FRMPD3: variants seen among roughly 807,000 people sequenced by gnomAD.
FRMPD3 encodes FERM and PDZ domain-containing protein 3.
Under a neutral mutation model 97.9 loss-of-function variants are expected in FRMPD3, and 42 were observed. That is an observed-to-expected ratio of 0.43 (90% CI 0.34 to 0.55). The LOEUF (loss-of-function observed/expected upper bound fraction) is 0.55, where lower values mean the gene tolerates loss of function less well. Ranked by LOEUF, FRMPD3 falls within the 20% of genes least tolerant of loss-of-function variation. The pLI is 0.03. For synonymous variants in FRMPD3, 577 were observed against 581.1 expected (o/e 0.99, Z 0.10); for missense variants, 1,303 against 1,457.7 (o/e 0.89, Z 1.73).
At chrX:107,583,909 C>A (rs1442236802) in intron 13 of FRMPD3, among the ~76,000 whole-genome samples, 2 of 100,500 alleles carry the variant, frequency 2.0e-5, no homozygotes, top group Non-Finnish European at 4.0e-5. Context: ...CACTCTGTTG[C>A]CCAGGCTGGA....
At chrX:107,564,699 C>G (rs1266484135) in intron 11 of FRMPD3, among the ~76,000 whole-genome samples, 188 bp from the exon 12 acceptor site, 1 of 112,332 alleles carries the variant, frequency 8.9e-6, no homozygotes, top group Non-Finnish European at 1.9e-5. Flanking sequence ...GGGGCTCTAT[C>G]CCAGGAACCA....
At chrX:107,533,115 G>A (rs1923040996) in intron 3 of FRMPD3, among the ~76,000 whole-genome samples, 1 of 111,508 alleles carries the variant, frequency 9.0e-6, no homozygotes, top group African/African-American at 3.3e-5. Flanking sequence ...CATTGTACGT[G>A]GTTCCCAGGA....
Position 107,598,151 on chromosome X carries a change from C to T in FRMPD3, c.2263+9C>T, listed in dbSNP as rs186400490. ...ACCCCCACAGACTGCAGGTAATGACCGATTCCTTCTCCCTCTTTCCACCCC... is the reference window on the plus strand; with the variant it reads ...ACCCCCACAGACTGCAGGTAATGACTGATTCCTTCTCCCTCTTTCCACCCC... On this transcript the variant is annotated intron_variant, in intron 14 of 14. Coordinates refer to ENST00000683843, the MANE Select transcript of FRMPD3 (RefSeq NM_001388459.1). 4.1e-3 allele frequency: 4,824 copies of T among 1,177,237 alleles called. 10 individuals carry two copies. The highest frequency in any genetic ancestry group is 5.0e-3 in the Non-Finnish European group (4,352 of 871,062).
chrX:107,507,518 G>A (rs1346359356), intron 1 of FRMPD3, among the ~76,000 whole-genome samples: 1 of 111,362 alleles, frequency 9.0e-6, no homozygotes, highest in Non-Finnish European at 1.9e-5. Context: ...GGGACTTCTA[G>A]CTGCCTCTCC....
intron 1 of FRMPD3, among the ~76,000 whole-genome samples, chrX:107,475,746 A>C (rs1286192099): frequency 1.8e-5 from 2 of 112,457 alleles, no homozygotes; most frequent in Non-Finnish European, 3.8e-5. Context: ...TAGCAGTTAG[A>C]ACACCGAATT....
intron 1 of FRMPD3, among the ~76,000 whole-genome samples, chrX:107,508,793 G>A (rs2147533319): frequency 8.9e-6 from 1 of 111,823 alleles, no homozygotes; most frequent in East Asian, 2.8e-4. Flanking sequence ...TGTTCTGCAT[G>A]GATTTGGGTT....
intron 1 of FRMPD3, among the ~76,000 whole-genome samples, chrX:107,484,845 C>T (rs1055286217): frequency 8.0e-5 from 9 of 112,218 alleles, no homozygotes; most frequent in African/African-American, 2.3e-4. Flanking sequence ...CAGCAATAGT[C>T]TCTGCTGCCT....
Position 107,604,157 on chromosome X carries a change from G to T in FRMPD3, c.*784G>T, listed in dbSNP as rs1461946950. Reference sequence around the variant, plus strand: ...CTGGGGAGACCCAGTGCAGGCCTAGGAGCCCGCCTAGCCCGGCCCAGCCCA... The same window carrying T: ...CTGGGGAGACCCAGTGCAGGCCTAGTAGCCCGCCTAGCCCGGCCCAGCCCA... On this transcript the variant is annotated 3_prime_UTR_variant, in exon 15 of 15. Coordinates refer to ENST00000683843, the MANE Select transcript of FRMPD3 (RefSeq NM_001388459.1). 1 of 107,551 alleles carries T rather than the reference G, an allele frequency of 9.3e-6. No homozygotes were observed. The highest frequency in any genetic ancestry group is 3.4e-5 in the African/African-American group (1 of 29,438). 8.9% of individuals were successfully genotyped at this position (107,551 alleles called of 1,213,427 possible).
At chrX:107,584,453 TC>T (rs1195548458) in intron 13 of FRMPD3, among the ~76,000 whole-genome samples, 1 of 112,088 alleles carries the variant, frequency 8.9e-6, no homozygotes, top group Non-Finnish European at 1.9e-5. Flanking sequence ...TTTAATTAGA[TC>T]CCATTTGTCA....
In FRMPD3 at chrX:107,564,907, C is replaced by A; in HGVS notation, c.1137C>A (p.Thr379=). 1 of 1,210,776 alleles carries A rather than the reference C, an allele frequency of 8.3e-7. No individual in the cohort carries two copies. The highest frequency in any genetic ancestry group is 1.1e-6 in the Non-Finnish European group (1 of 895,276). Residue 379 remains threonine, a synonymous_variant, in exon 12 of 15, where the codon ACC becomes ACA. Coordinates refer to ENST00000683843, the MANE Select transcript of FRMPD3 (RefSeq NM_001388459.1). ...TVGLDEKQSA[T]TLLVGPRHGI... ...ACCAGGATGAGAAGCAGTCGGCCAC[C>A]ACGCTCCTGGTGGGACCCCGTCATG...
chrX:107,603,602 C>A lies in FRMPD3; in HGVS notation c.*229C>A. 3.6e-6 allele frequency: 2 copies of A among 553,956 alleles called. No homozygotes were observed. The highest frequency in any genetic ancestry group is 5.3e-6 in the Non-Finnish European group (2 of 375,789). 45.7% of individuals were successfully genotyped at this position (553,956 alleles called of 1,213,427 possible). A position where few individuals can be genotyped will look rare whatever the true frequency, so the allele number is the denominator to read the frequency against. Reference sequence around the variant, plus strand: ...CCCCTTCCCTGGCCTCTGGGCCTCACTGTGAGGGCAAAGGCCCCTCTTCAC... The same window carrying A: ...CCCCTTCCCTGGCCTCTGGGCCTCAATGTGAGGGCAAAGGCCCCTCTTCAC... On this transcript the variant is annotated 3_prime_UTR_variant, in exon 15 of 15. Coordinates refer to ENST00000683843, the MANE Select transcript of FRMPD3 (RefSeq NM_001388459.1).
At chrX:107,476,624 T>A (rs1921207616) in intron 1 of FRMPD3, among the ~76,000 whole-genome samples, 1 of 112,481 alleles carries the variant, frequency 8.9e-6, no homozygotes. Context: ...GTGCCTGGCA[T>A]TCAGTGAGTG....
intron 1 of FRMPD3, among the ~76,000 whole-genome samples, chrX:107,517,394 G>A (rs765959897): frequency 3.4e-4 from 38 of 111,806 alleles, no homozygotes; most frequent in Admixed American, 3.2e-3. Context: ...AGATTTCTTG[G>A]GGAAAATGGG....
intron 13 of FRMPD3, among the ~76,000 whole-genome samples, chrX:107,594,199 A>C (rs1268223760): frequency 1.8e-5 from 2 of 111,768 alleles, no homozygotes; most frequent in African/African-American, 6.5e-5. Flanking sequence ...TGATTTGTGT[A>C]CATTGATTTT....
At chrX:107,483,247 C>T (rs773426258) in intron 1 of FRMPD3, among the ~76,000 whole-genome samples, 1 of 112,663 alleles carries the variant, frequency 8.9e-6, no homozygotes, top group African/African-American at 3.2e-5. Flanking sequence ...TGGTGCAAGA[C>T]TAAGTGGACC....
Position 107,529,849 on chromosome X carries a change from G to A in FRMPD3, c.149-560G>A, listed in dbSNP as rs1260240022. Among the ~76,000 whole-genome samples, 22 of 111,886 alleles carry A rather than the reference G, an allele frequency of 2.0e-4. No individual in the cohort carries two copies. The Admixed American group carries it at 2.1e-3, about 11-fold the overall frequency. ...CCTGACCACCTCCAGTAGTCTGGAAGTCATTCCTTGTACCTAAGCAAGTCC... is the reference window on the plus strand; with the variant it reads ...CCTGACCACCTCCAGTAGTCTGGAAATCATTCCTTGTACCTAAGCAAGTCC... On this transcript the variant is annotated intron_variant, in intron 2 of 14. Transcript: ENST00000683843.
At chrX:107,520,315 C>G (rs1922465110) in intron 1 of FRMPD3, among the ~76,000 whole-genome samples, 1 of 110,559 alleles carries the variant, frequency 9.0e-6, no homozygotes, top group Non-Finnish European at 1.9e-5. Context: ...CTGCCAAATC[C>G]TCCTACGAAG....
At position 107,552,145 on chromosome X, in the gene FRMPD3, G is replaced by A. The variant is rs762154724; in HGVS notation, c.511-650G>A. Reference sequence around the variant, plus strand: ...CTAATATTAAAAGTAGGGCAGCAGAGCAGATGGAACCCAGAAGTAGTCAGA... The same window carrying A: ...CTAATATTAAAAGTAGGGCAGCAGAACAGATGGAACCCAGAAGTAGTCAGA... On this transcript the variant is annotated intron_variant, in intron 6 of 14. Transcript: ENST00000683843. Among the ~76,000 whole-genome samples, 4 of 111,756 alleles carry A rather than the reference G, an allele frequency of 3.6e-5. No individual in the cohort carries two copies. The South Asian group carries it at 1.5e-3, about 42-fold the overall frequency.
At chrX:107,483,211 T>C (rs964790324) in intron 1 of FRMPD3, among the ~76,000 whole-genome samples, 1 of 112,419 alleles carries the variant, frequency 8.9e-6, no homozygotes, top group Non-Finnish European at 1.9e-5. Context: ...ATCCAGCCCA[T>C]GTTCTGCTCC....
Sources: allele counts gnomAD v4.1 joint callset (sites outside exome capture counted in the v4.1 genomes callset), GRCh38; gene constraint gnomAD v4.1.1; transcripts MANE v1.5; gene names NCBI Gene and HGNC (gene_info 2026-07-23, HGNC 2026-07-21).